The following NINL variants were observed in gnomAD, a reference collection of about 807,000 sequenced individuals.
NINL encodes ninein-like protein.
A neutral mutation model predicts 160.3 loss-of-function variants in NINL; 153 were observed. That is an observed-to-expected ratio of 0.95 (90% confidence interval 0.84 to 1.09). The LOEUF (loss-of-function observed/expected upper bound fraction) is 1.09, where lower values mean the gene tolerates loss of function less well. Among genes scored for constraint, NINL ranks in the 50% least tolerant of loss-of-function variants. NINL has a pLI of 0.00. For missense variants in NINL, 1,829 were observed against 1,764.0 expected (o/e 1.04, Z -0.66); for synonymous variants, 800 against 734.8 (o/e 1.09, Z -1.43).
intron 1 of NINL, among the ~76,000 whole-genome samples, chr20:25,548,830 C>T (rs1178087453): frequency 7.0e-6 from 1 of 141,978 alleles, no homozygotes; most frequent in Non-Finnish European, 1.5e-5. Context: ...CATGGCCACA[C>T]CTCCCACATC....
intron 19 of NINL, among the ~76,000 whole-genome samples, chr20:25,466,869 G>C (rs1300149339): frequency 6.6e-6 from 1 of 152,182 alleles, no homozygotes; most frequent in Non-Finnish European, 1.5e-5. Flanking sequence ...CATTTTGGGA[G>C]GCCAAAGCTG....
At chr20:25,523,441 C>G (rs184753336) in intron 2 of NINL, among the ~76,000 whole-genome samples, 1 of 151,984 alleles carries the variant, frequency 6.6e-6, no homozygotes, top group Non-Finnish European at 1.5e-5. Context: ...TCTGTAGAGA[C>G]GAGGTCTCAC....
At chr20:25,584,416 C>A (rs7274550) in intron 1 of NINL, among the ~76,000 whole-genome samples, 1 of 152,150 alleles carries the variant, frequency 6.6e-6, no homozygotes, top group Non-Finnish European at 1.5e-5. Flanking sequence ...GCCGAGATGG[C>A]GCCATTGCAC....
chr20:25,490,096 C>G, intron 11 of NINL, 111 bp from the exon 12 acceptor site: 1 of 978,480 alleles, frequency 1.0e-6, no homozygotes. Context: ...GGAAAGAACC[C>G]CCACCCACCG....
At chr20:25,567,734 T>G (rs942360564) in intron 1 of NINL, among the ~76,000 whole-genome samples, 1 of 152,158 alleles carries the variant, frequency 6.6e-6, no homozygotes, top group Non-Finnish European at 1.5e-5. Context: ...CAAAATATGC[T>G]ATCAGACCAT....
chr20:25,473,669 CACACAT>C (rs1402175947), intron 17 of NINL, among the ~76,000 whole-genome samples: 16 of 92,490 alleles, frequency 1.7e-4, no homozygotes, highest in African/African-American at 6.7e-4. Context: ...AGTAAAAATA[CACACAT>C]ACACACACAC....
chr20:25,573,499 A>G (rs991603457), intron 1 of NINL, among the ~76,000 whole-genome samples: 2 of 152,044 alleles, frequency 1.3e-5, no homozygotes, highest in African/African-American at 4.8e-5. Context: ...AAGTGCACAG[A>G]CTCTGACAGA....
At chr20:25,523,800 G>A (rs1425950235) in intron 2 of NINL, among the ~76,000 whole-genome samples, 1 of 151,656 alleles carries the variant, frequency 6.6e-6, no homozygotes, top group African/African-American at 2.4e-5. Context: ...GTGCCACCAC[G>A]CCGGCTAATT....
chr20:25,510,068 C>T (rs552089672), intron 5 of NINL, among the ~76,000 whole-genome samples: 135 of 152,336 alleles, frequency 8.9e-4, no homozygotes, highest in African/African-American at 3.1e-3. Context: ...GAGGGCACCA[C>T]GGCAGCATGG....
In NINL at chr20:25,476,413, G is replaced by T; in HGVS notation, c.2878C>A (p.Pro960Thr). The T allele has an allele frequency of 6.2e-7, 1 of 1,609,230 alleles. No homozygotes were observed. ...ASQTQPRMWEPPLRPAASCRG... is the reference protein window; with the variant it reads ...ASQTQPRMWETPLRPAASCRG... ...CACGAAGCGGCCGGCCTCAGGGGTG[G>T]CTCCCACATCCGTGGCTGGGTTTGC... The change falls in exon 17 of 24, where the codon CCA (proline) becomes ACA (threonine). Residue 960 changes from proline (P) to threonine (T), a missense_variant. Pro to Thr is a conservative substitution (Grantham distance 38). Transcript: ENST00000278886.
chr20:25,498,755 C>A (rs2063809728), intron 8 of NINL, among the ~76,000 whole-genome samples: 1 of 152,206 alleles, frequency 6.6e-6, no homozygotes, highest in African/African-American at 2.4e-5. Context: ...GAGGCCTGAC[C>A]TGCAGCTCAT....
At chr20:25,457,935 C>T (rs2090731258) in intron 22 of NINL, among the ~76,000 whole-genome samples, 2 of 152,216 alleles carry the variant, frequency 1.3e-5, no homozygotes, top group Admixed American at 1.3e-4. Context: ...GTTCACTCAG[C>T]TGGGAGGTAG....
chr20:25,478,980 C>T lies in NINL; in HGVS notation c.2144G>A (p.Cys715Tyr). The change falls in exon 16 of 24, where the codon TGC becomes TAC. Residue 715 changes from cysteine to tyrosine, a missense_variant. Cys to Tyr is a radical substitution (Grantham distance 194). Transcript: ENST00000278886. ...GGCCAGGCCACACAGTGCCTGGGTG[C>T]AGCAGGGTGCCAGGCCCATCTGCTC... ...EPEQMGLAPCCTQALCGLALR... is the reference protein window; with the variant it reads ...EPEQMGLAPCYTQALCGLALR... 6.2e-7 allele frequency: 1 copy of T among 1,601,534 alleles called. No individual in the cohort carries two copies. The highest frequency in any genetic ancestry group is 8.5e-7 in the Non-Finnish European group (1 of 1,176,496).
intron 1 of NINL, among the ~76,000 whole-genome samples, chr20:25,529,138 G>C (rs986415361): frequency 2.0e-5 from 3 of 152,158 alleles, no homozygotes; most frequent in African/African-American, 7.2e-5. Flanking sequence ...GCCAGGTATG[G>C]TGGTGTGAGC....
chr20:25,560,201 A>C (rs1391815533), intron 1 of NINL, among the ~76,000 whole-genome samples: 2 of 152,198 alleles, frequency 1.3e-5, no homozygotes. Context: ...TCTTCACCTT[A>C]GCCTCCCAAA....
chr20:25,500,582 T>C (rs1166955843), intron 8 of NINL, among the ~76,000 whole-genome samples: 1 of 152,250 alleles, frequency 6.6e-6, no homozygotes, highest in African/African-American at 2.4e-5. Context: ...TCTAAGCCAC[T>C]AAAGGCTACC....
At chr20:25,482,934 G>C (rs2063425061) in intron 13 of NINL, among the ~76,000 whole-genome samples, 1 of 151,294 alleles carries the variant, frequency 6.6e-6, no homozygotes, top group Admixed American at 6.6e-5. Context: ...TGAGGCAGGA[G>C]AGTCGCTTGA....
intron 19 of NINL, among the ~76,000 whole-genome samples, chr20:25,466,085 G>A (rs886205893): frequency 2.6e-5 from 4 of 152,044 alleles, no homozygotes; most frequent in Admixed American, 6.6e-5. Context: ...GCAGTGGTAC[G>A]ATCTCTACTC....
chr20:25,498,496 A>T, intron 8 of NINL, 150 bp from the exon 9 acceptor site: 1 of 1,043,666 alleles, frequency 9.6e-7, no homozygotes. Flanking sequence ...CTGCGTCTTG[A>T]GGGGTGCTCC....
Sources: allele counts gnomAD v4.1 joint callset (sites outside exome capture counted in the v4.1 genomes callset), GRCh38; gene constraint gnomAD v4.1.1; transcripts MANE v1.5; gene names NCBI Gene and HGNC (gene_info 2026-07-23, HGNC 2026-07-21).